LSAMP: variants seen among roughly 807,000 people sequenced by gnomAD.
The protein encoded by LSAMP is limbic system-associated membrane protein.
Under a neutral mutation model 38.6 loss-of-function variants are expected in LSAMP, and 7 were observed. The observed-to-expected ratio is 0.18, with a 90% CI of 0.10 to 0.34. The LOEUF (loss-of-function observed/expected upper bound fraction) is 0.34. Among genes scored for constraint, LSAMP ranks in the 10% least tolerant of loss-of-function variants. The pLI is 1.00. For synonymous variants in LSAMP, 154 were observed against 166.8 expected, an observed-to-expected ratio of 0.92 and a Z score of 0.59; for missense variants, 313 against 420.0, an observed-to-expected ratio of 0.75 and a Z score of 2.23.
At chr3:115,907,130 C>G (rs1174620963) in intron 3 of LSAMP, among the ~76,000 whole-genome samples, 5 of 152,142 alleles carry the variant, frequency 3.3e-5, no homozygotes, top group Admixed American at 6.6e-5. Context: ...CTCCTTCAAG[C>G]CTTGTTGCTT....
At chr3:115,947,962 C>G (rs4831206) in intron 3 of LSAMP, among the ~76,000 whole-genome samples, 36,016 of 152,084 alleles carry the variant, frequency 0.24, 5,072 homozygotes, top group East Asian at 0.52. Flanking sequence ...TGTTAAGAAA[C>G]AAACTCAGAA....
chr3:116,258,853 A>T (rs1277536776), intron 1 of LSAMP, among the ~76,000 whole-genome samples: 1 of 152,112 alleles, frequency 6.6e-6, no homozygotes, highest in African/African-American at 2.4e-5. Flanking sequence ...GAGGAGAGTG[A>T]CGTCTATGCA....
At chr3:115,881,037 A>AAAAT (rs141822663) in intron 3 of LSAMP, among the ~76,000 whole-genome samples, 4,244 of 142,914 alleles carry the variant, frequency 0.03, 84 homozygotes, top group African/African-American at 0.039. Context: ...CTCTGTCTCA[A>AAAAT]AAATAAATAA....
chr3:116,100,798 A>G (rs538374955), intron 1 of LSAMP, among the ~76,000 whole-genome samples: 1 of 152,312 alleles, frequency 6.6e-6, no homozygotes, highest in East Asian at 1.9e-4. Flanking sequence ...ATCTCTTGAC[A>G]TTACACTCCT....
chr3:116,300,860 C>A (rs181040977), intron 1 of LSAMP, among the ~76,000 whole-genome samples: 6 of 152,174 alleles, frequency 3.9e-5, no homozygotes, highest in African/African-American at 1.4e-4. Context: ...GTAATATTCA[C>A]AAAAGACCAA....
At chr3:116,238,722 C>T (rs547856100) in intron 1 of LSAMP, among the ~76,000 whole-genome samples, 2 of 152,272 alleles carry the variant, frequency 1.3e-5, no homozygotes, top group South Asian at 4.1e-4. Flanking sequence ...AGATTCCAGT[C>T]CATCTGCCCC....
rs924425726 is a variant in LSAMP, at chr3:115,978,475, T to A, written c.514+41040A>T. Among the ~76,000 whole-genome samples the A allele has an allele frequency of 1.2e-4, 18 of 152,120 alleles. 1 individual carries two copies. The highest frequency in any genetic ancestry group is 1.2e-3 in the Admixed American group (18 of 15,262). ...CACCACATCAAAAACTATTCATCAG[T>A]AATTTACTATGAATGTTTGAATAAC... On this transcript the variant is annotated intron_variant, in intron 3 of 6. Coordinates refer to ENST00000490035, the MANE Select transcript of LSAMP (RefSeq NM_002338.5).
intron 3 of LSAMP, among the ~76,000 whole-genome samples, chr3:115,944,172 A>G (rs552663694): frequency 1.9e-4 from 29 of 152,246 alleles, no homozygotes; most frequent in African/African-American, 6.5e-4. Context: ...AGACATTTAG[A>G]ATTTCTGCTA....
In LSAMP at chr3:116,164,253, C is replaced by T. The variant is rs531527330; in HGVS notation, c.156-77697G>A. ...CCACAGTTAGATTATTTAACACTCACCAACATACTATTAGGATGGATAGAG... is the reference window on the plus strand; with the variant it reads ...CCACAGTTAGATTATTTAACACTCATCAACATACTATTAGGATGGATAGAG... On this transcript the variant is annotated intron_variant, in intron 1 of 6. Coordinates refer to ENST00000490035, the MANE Select transcript of LSAMP (RefSeq NM_002338.5). Among the ~76,000 whole-genome samples, 5 of 152,024 alleles carry T rather than the reference C, an allele frequency of 3.3e-5. No individual in the cohort carries two copies. In the East Asian group the frequency reaches 9.7e-4, roughly 29 times the overall value.
chr3:116,328,123 C>A (rs968399413), intron 1 of LSAMP, among the ~76,000 whole-genome samples: 1 of 152,138 alleles, frequency 6.6e-6, no homozygotes, highest in Non-Finnish European at 1.5e-5. Context: ...TTTCCCAAAG[C>A]TGGATAGAAG....
At chr3:116,444,845 C>T (rs1413650784) in intron 1 of LSAMP, 32 bp downstream of exon 1, 1 of 1,613,478 alleles carries the variant, frequency 6.2e-7, no homozygotes, top group South Asian at 1.1e-5. Flanking sequence ...CGTGTAGACG[C>T]GCGCAGCAGA....
intron 1 of LSAMP, among the ~76,000 whole-genome samples, chr3:116,349,470 C>A (rs931681118): frequency 6.7e-5 from 10 of 150,098 alleles, no homozygotes; most frequent in African/African-American, 2.5e-4. Context: ...AATAATGACC[C>A]CCCCCAAAAA....
intron 6 of LSAMP, among the ~76,000 whole-genome samples, chr3:115,811,110 A>G (rs890722810): frequency 6.6e-6 from 1 of 152,216 alleles, no homozygotes; most frequent in Non-Finnish European, 1.5e-5. Flanking sequence ...ACACACCTAG[A>G]GAGGTTGAGA....
intron 1 of LSAMP, among the ~76,000 whole-genome samples, chr3:116,417,184 A>C (rs2049062443): frequency 6.6e-6 from 1 of 152,200 alleles, no homozygotes; most frequent in African/African-American, 2.4e-5. Context: ...CAGAGAAAAG[A>C]CATCTTTATC....
intron 2 of LSAMP, among the ~76,000 whole-genome samples, chr3:116,032,107 G>A (rs1303431496): frequency 6.6e-6 from 1 of 152,068 alleles, no homozygotes; most frequent in Non-Finnish European, 1.5e-5. Context: ...TGATGAATAT[G>A]AGTTAGATTT....
chr3:116,060,589 C>A (rs541505714), intron 2 of LSAMP, among the ~76,000 whole-genome samples: 5 of 152,234 alleles, frequency 3.3e-5, no homozygotes, highest in South Asian at 4.1e-4. Context: ...GGAGAAACCC[C>A]ATCTCTACTA....
chr3:116,379,722 A>AT (rs2048533972), intron 1 of LSAMP, among the ~76,000 whole-genome samples: 1 of 152,050 alleles, frequency 6.6e-6, no homozygotes, highest in African/African-American at 2.4e-5. Flanking sequence ...GGTGAAAACC[A>AT]TAAGAATCAG....
At chr3:116,356,364 T>C (rs561695716) in intron 1 of LSAMP, among the ~76,000 whole-genome samples, 4 of 152,226 alleles carry the variant, frequency 2.6e-5, no homozygotes, top group South Asian at 2.1e-4. Context: ...TTTGTGGGAA[T>C]TAAAAATTAA....
intron 3 of LSAMP, among the ~76,000 whole-genome samples, chr3:115,941,568 C>T (rs1364142115): frequency 6.6e-6 from 1 of 152,066 alleles, no homozygotes; most frequent in African/African-American, 2.4e-5. Context: ...CGCACACACA[C>T]ACAGACACAC....
Sources: allele counts gnomAD v4.1 joint callset (sites outside exome capture counted in the v4.1 genomes callset), GRCh38; gene constraint gnomAD v4.1.1; transcripts MANE v1.5; gene names NCBI Gene and HGNC (gene_info 2026-07-23, HGNC 2026-07-21).